The following SPTLC2 variants were observed in gnomAD, a reference collection of about 807,000 sequenced individuals.
SPTLC2 encodes the protein serine palmitoyltransferase long chain base subunit 2.
A neutral mutation model predicts 62.0 loss-of-function variants in SPTLC2; 21 were observed. That is an observed-to-expected ratio of 0.34 (90% CI 0.24 to 0.49). The LOEUF is 0.49. Among genes scored for constraint, SPTLC2 ranks in the 20% least tolerant of loss-of-function variants. The probability of loss-of-function intolerance (pLI) is 0.99; values close to 1 mark genes in which losing one functional copy is unlikely to be tolerated. For missense variants in SPTLC2, 511 were observed against 713.0 expected (o/e 0.72, Z 3.23); for synonymous variants, 261 against 261.8 (o/e 1.00, Z 0.03).
chr14:77,542,941 G>A (rs1300719726), intron 9 of SPTLC2, among the ~76,000 whole-genome samples: 1 of 152,210 alleles, frequency 6.6e-6, no homozygotes, highest in Non-Finnish European at 1.5e-5. Context: ...CTAATGCACA[G>A]CCAGAAACAG....
chr14:77,573,568 T>C (rs1009864711), intron 4 of SPTLC2, among the ~76,000 whole-genome samples: 10 of 152,216 alleles, frequency 6.6e-5, no homozygotes, highest in Admixed American at 3.9e-4. Flanking sequence ...AATGTCTTTA[T>C]AGAAAGGGGA....
At chr14:77,564,278 GAGGAGGAAAAGGAGGAAGAGGAGGAGA>G (rs1358616146) in intron 5 of SPTLC2, among the ~76,000 whole-genome samples, 3,519 of 136,746 alleles carry the variant, frequency 0.026, 70 homozygotes, top group Middle Eastern at 0.056. Context: ...AGAGGAGGAA[GAGGAGGAAAAGGAGGAAGAGGAGGAGA>G]AGGAGGAGAA....
chr14:77,578,484 A>AG (rs927686923), intron 3 of SPTLC2, among the ~76,000 whole-genome samples: 1 of 152,086 alleles, frequency 6.6e-6, no homozygotes, highest in East Asian at 1.9e-4. Flanking sequence ...TGGGAGGCTG[A>AG]GGGGGACAGA....
rs926072016 is a variant in SPTLC2, at chr14:77,509,843, C to T, written c.*2441G>A. The T allele has an allele frequency of 1.8e-4, 72 of 398,184 alleles. 1 individual carries two copies. Among genetic ancestry groups the T allele is most frequent in the African/African-American group, 1.2e-3 (56 of 48,592 alleles). The allele number at this position is 398,184 out of a possible 1,614,324, so 24.7% of individuals were successfully genotyped here. A position where few individuals can be genotyped will look rare whatever the true frequency, so the allele number is the denominator to read the frequency against. On this transcript the variant is annotated 3_prime_UTR_variant, in exon 12 of 12. Coordinates refer to ENST00000216484, the MANE Select transcript of SPTLC2 (RefSeq NM_004863.4). ...TTGTCTCTTCAAAATAAACTTGTAA[C>T]AAAATTACACTTATCTTGAAATAAC...
rs1223397741 is a variant in SPTLC2, at chr14:77,508,880, A to C, written c.*3404T>G. 5 of 152,238 alleles carry C rather than the reference A, an allele frequency of 3.3e-5. No individual in the cohort carries two copies. Among genetic ancestry groups the C allele is most frequent in the African/African-American group, 1.2e-4 (5 of 41,464 alleles). The allele number at this position is 152,238 out of a possible 1,614,324, so 9.4% of individuals were successfully genotyped here. On this transcript the variant is annotated 3_prime_UTR_variant, in exon 12 of 12. Transcript: ENST00000216484. ...TATGCTATCTTCAAAGCCCAGCACC[A>C]CCATATATTGGTTTTCTCTAGAGTT...
chr14:77,528,295 G>A (rs780606876), intron 9 of SPTLC2, among the ~76,000 whole-genome samples: 71 of 151,776 alleles, frequency 4.7e-4, no homozygotes, highest in Non-Finnish European at 9.4e-4. Context: ...GCAATGGCGC[G>A]ATCTCGGCTC....
intron 5 of SPTLC2, among the ~76,000 whole-genome samples, chr14:77,569,819 TTA>T (rs535260722): frequency 0.054 from 2,053 of 38,316 alleles, 298 homozygotes; most frequent in African/African-American, 0.11. Context: ...TACATATATG[TTA>T]TATATATATA....
intron 2 of SPTLC2, among the ~76,000 whole-genome samples, chr14:77,585,862 A>C (rs1190390434): frequency 6.6e-6 from 1 of 152,160 alleles, no homozygotes; most frequent in Non-Finnish European, 1.5e-5. Context: ...TCCACTGGCC[A>C]AAAAAATGAC....
chr14:77,572,114 A>G (rs538307831), intron 4 of SPTLC2, among the ~76,000 whole-genome samples: 1 of 152,368 alleles, frequency 6.6e-6, no homozygotes, highest in Admixed American at 6.5e-5. Flanking sequence ...ATCAAATGCC[A>G]TAAAGGCATA....
intron 9 of SPTLC2, among the ~76,000 whole-genome samples, chr14:77,532,283 T>C (rs1274295683): frequency 6.6e-6 from 1 of 152,216 alleles, no homozygotes; most frequent in Non-Finnish European, 1.5e-5. Flanking sequence ...CTTCTTTCCC[T>C]TTCTCTCTTT....
chr14:77,535,220 C>T (rs1040166418), intron 9 of SPTLC2, among the ~76,000 whole-genome samples: 20 of 152,176 alleles, frequency 1.3e-4, no homozygotes, highest in Non-Finnish European at 2.6e-4. Flanking sequence ...AGCCACCACA[C>T]CCAGCCCCAA....
At position 77,579,013 on chromosome 14, in the gene SPTLC2, G is replaced by A; in HGVS notation, c.424C>T (p.Pro142Ser). ...TCCATGATGTCCACCCTGGCTCCAG[G>A]CACACTACAGATTGGCCGATTCCAG... The part of the protein sequence containing the change: ...DNWNRPICSV[P>S]GARVDIMERQ... Residue 142 changes from proline (P) to serine (S), a missense_variant, in exon 3 of 12, where the codon CCT becomes TCT. Transcript: ENST00000216484. The A allele has an allele frequency of 6.2e-7, 1 of 1,614,064 alleles. No individual in the cohort carries two copies. The highest frequency in any genetic ancestry group is 1.3e-5 in the African/African-American group (1 of 75,020).
intron 9 of SPTLC2, among the ~76,000 whole-genome samples, chr14:77,546,752 G>A (rs80272764): frequency 9.4e-6 from 1 of 105,900 alleles, no homozygotes; most frequent in Non-Finnish European, 2.1e-5. Flanking sequence ...TTTTTTTTTT[G>A]GAGATGGAGT....
At chr14:77,563,689 G>A (rs1011853711) in intron 5 of SPTLC2, among the ~76,000 whole-genome samples, 8 of 152,124 alleles carry the variant, frequency 5.3e-5, no homozygotes, top group Non-Finnish European at 7.3e-5. Flanking sequence ...GCGTCCCGAA[G>A]TGCCAAGATT....
At chr14:77,539,693 T>G (rs2079490087) in intron 9 of SPTLC2, among the ~76,000 whole-genome samples, 1 of 151,938 alleles carries the variant, frequency 6.6e-6, no homozygotes, top group Non-Finnish European at 1.5e-5. Context: ...TTTTGTCATG[T>G]TGGCCAGGCT....
chr14:77,570,222 C>CAAAAAAA (rs35086251), intron 5 of SPTLC2, among the ~76,000 whole-genome samples, 162 bp downstream of exon 5: 5 of 111,400 alleles, frequency 4.5e-5, no homozygotes, highest in South Asian at 5.8e-4. Flanking sequence ...GACTCCATCT[C>CAAAAAAA]AAAAAAAAAA....
At chr14:77,609,863 G>A (rs1481273339) in intron 1 of SPTLC2, among the ~76,000 whole-genome samples, 1 of 152,116 alleles carries the variant, frequency 6.6e-6, no homozygotes, top group East Asian at 1.9e-4. Flanking sequence ...CTGGGTAACA[G>A]TAACACCCTG....
At position 77,506,556 on chromosome 14, in the gene SPTLC2, A is replaced by G. The variant is rs533644142; in HGVS notation, c.*5728T>C. The G allele has an allele frequency of 2.0e-5, 3 of 152,366 alleles. No individual in the cohort carries two copies. The highest frequency in any genetic ancestry group is 6.5e-5 in the Admixed American group (1 of 15,308). 9.4% of individuals were successfully genotyped at this position (152,366 alleles called of 1,614,324 possible). A position where few individuals can be genotyped will look rare whatever the true frequency, so the allele number is the denominator to read the frequency against. ...TGAAGAACCAGCAAGGATGCTTTTT[A>G]TAATTCCAACCATTGGCTTCACATC... On this transcript the variant is annotated 3_prime_UTR_variant, in exon 12 of 12. Coordinates refer to ENST00000216484, the MANE Select transcript of SPTLC2 (RefSeq NM_004863.4).
At chr14:77,571,098 T>C (rs183108200) in intron 4 of SPTLC2, among the ~76,000 whole-genome samples, 93 of 152,292 alleles carry the variant, frequency 6.1e-4, no homozygotes, top group Middle Eastern at 3.4e-3. Context: ...CAATACCACA[T>C]GGAGCTAAGA....
Sources: gnomAD v4.1 joint callset for allele counts (sites outside exome capture counted in the v4.1 genomes callset) on GRCh38, gnomAD v4.1.1 for gene constraint, MANE v1.5 for transcripts, NCBI Gene and HGNC (gene_info 2026-07-23, HGNC 2026-07-21) for gene names.